Variants in COL4A2 observed in about 807,000 individuals in gnomAD.
The protein encoded by COL4A2 is collagen type IV alpha 2 chain, also known as collagen alpha-2(IV) chain.
In COL4A2, 99 loss-of-function variants were observed where a neutral mutation model predicts 200.2. That is an observed-to-expected ratio of 0.49 (90% CI 0.42 to 0.58). The LOEUF (loss-of-function observed/expected upper bound fraction) is 0.58. Among genes scored for constraint, COL4A2 ranks in the 20% least tolerant of loss-of-function variants. The pLI is 0.00. For synonymous variants in COL4A2, 897 were observed against 900.6 expected, an observed-to-expected ratio of 1.00 and a Z score of 0.07; for missense variants, 1,950 against 2,314.1, an observed-to-expected ratio of 0.84 and a Z score of 3.23.
intron 4 of COL4A2, among the ~76,000 whole-genome samples, chr13:110,367,458 C>T (rs1462464730): frequency 6.6e-6 from 1 of 152,200 alleles, no homozygotes; most frequent in Admixed American, 6.5e-5. Context: ...GTTGGTCTCT[C>T]TCTAATGAAG....
chr13:110,358,611 C>T (rs1877384408), intron 4 of COL4A2, among the ~76,000 whole-genome samples: 2 of 152,202 alleles, frequency 1.3e-5, no homozygotes, highest in East Asian at 1.9e-4. Context: ...ACCAGCACCA[C>T]CACAAACATG....
At chr13:110,404,342 A>G (rs571763358) in intron 4 of COL4A2, among the ~76,000 whole-genome samples, 7 of 152,352 alleles carry the variant, frequency 4.6e-5, no homozygotes, top group African/African-American at 1.7e-4. Context: ...ATAAAAATCA[A>G]TATATTGCAA....
intron 4 of COL4A2, among the ~76,000 whole-genome samples, chr13:110,373,061 C>T (rs1878085110): frequency 6.6e-6 from 1 of 152,194 alleles, no homozygotes; most frequent in South Asian, 2.1e-4. Context: ...GTTGGGATGT[C>T]TGTTACCTGT....
intron 4 of COL4A2, among the ~76,000 whole-genome samples, chr13:110,388,542 G>A (rs1419176500): frequency 2.6e-5 from 4 of 152,202 alleles, no homozygotes; most frequent in Non-Finnish European, 5.9e-5. Context: ...GAAGGAATGT[G>A]TTTATGAGAG....
intron 24 of COL4A2, 146 bp downstream of exon 24, chr13:110,462,530 A>G: frequency 2.9e-6 from 2 of 695,790 alleles, no homozygotes; most frequent in Non-Finnish European, 4.7e-6. Context: ...TTCTATTTCT[A>G]ATGAGCAGAA....
At chr13:110,349,416 G>A (rs1876853793) in intron 3 of COL4A2, among the ~76,000 whole-genome samples, 1 of 152,186 alleles carries the variant, frequency 6.6e-6, no homozygotes, top group African/African-American at 2.4e-5. Flanking sequence ...TCTTCTCACT[G>A]TCATTGGGTC....
rs540988944 is a variant in COL4A2 at position 110,337,899 on chromosome 13, A to T, written c.100-19573A>T. On this transcript the variant is annotated intron_variant, in intron 3 of 47. Transcript: ENST00000360467. ...ACTAAAATATATGCAGTGAGCATAT[A>T]TTCACTAAATGAACATGCATTGAAA... 2.6e-5 allele frequency among the ~76,000 whole-genome samples: 4 copies of T among 152,376 alleles called. No homozygotes were observed. In the South Asian group the frequency reaches 8.3e-4, roughly 32 times the overall value.
intron 7 of COL4A2, chr13:110,428,978 G>T: frequency 6.0e-6 from 1 of 166,548 alleles, no homozygotes; most frequent in East Asian, 1.7e-4. Flanking sequence ...ATACGATGCA[G>T]GAGTTTGTTT....
chr13:110,336,813 C>T (rs1249779062), intron 3 of COL4A2, among the ~76,000 whole-genome samples: 1 of 152,200 alleles, frequency 6.6e-6, no homozygotes, highest in African/African-American at 2.4e-5. Context: ...TGGGAAGCCT[C>T]CAGCAAAGGC....
chr13:110,348,975 C>T (rs926762721), intron 3 of COL4A2, among the ~76,000 whole-genome samples: 2 of 152,118 alleles, frequency 1.3e-5, no homozygotes, highest in African/African-American at 4.8e-5. Flanking sequence ...TCATATAACT[C>T]GATTACTGCT....
chr13:110,401,977 C>T (rs1196751062), intron 4 of COL4A2, among the ~76,000 whole-genome samples: 1 of 152,184 alleles, frequency 6.6e-6, no homozygotes, highest in Admixed American at 6.5e-5. Flanking sequence ...CCCAAAGGCA[C>T]CACCTCTCAA....
intron 34 of COL4A2, among the ~76,000 whole-genome samples, chr13:110,487,459 A>T (rs1276038984): frequency 6.6e-6 from 1 of 152,202 alleles, no homozygotes; most frequent in African/African-American, 2.4e-5. Context: ...TCTCAAAAAA[A>T]AGACAAGAAA....
rs34045120 is a variant in COL4A2 at position 110,497,591 on chromosome 13, A to G, written c.3760+2124A>G. On this transcript the variant is annotated intron_variant, in intron 40 of 47. Transcript: ENST00000360467. The stretch of plus-strand genomic sequence containing the variant: ...CACTCAGGGCTGAGGATTTAGGTCA[A>G]TCCACCAGCACAACCTCCACTCAGG... Among the ~76,000 whole-genome samples, 463 of 93,206 alleles carry G rather than the reference A, an allele frequency of 5.0e-3. 4 individuals are homozygous for G. The highest frequency in any genetic ancestry group is 9.8e-3 in the Middle Eastern group (1 of 102). The allele number at this position is 93,206 out of a possible 152,430, so 61.1% of individuals were successfully genotyped here. A position where few individuals can be genotyped will look rare whatever the true frequency, so the allele number is the denominator to read the frequency against.
At chr13:110,473,962 A>AAC (rs1276036386) in intron 29 of COL4A2, among the ~76,000 whole-genome samples, 2 of 12,736 alleles carry the variant, frequency 1.6e-4, no homozygotes, top group Non-Finnish European at 3.6e-4. Context: ...CCATTTCTAC[A>AAC]AAAAAAAAAT....
At chr13:110,439,371 G>T (rs1382981557) in intron 15 of COL4A2, among the ~76,000 whole-genome samples, 1 of 152,170 alleles carries the variant, frequency 6.6e-6, no homozygotes, top group African/African-American at 2.4e-5. Flanking sequence ...GTTTTTCATT[G>T]TACTATCTTT....
At chr13:110,350,165 A>T (rs1485478477) in intron 3 of COL4A2, among the ~76,000 whole-genome samples, 2 of 152,254 alleles carry the variant, frequency 1.3e-5, no homozygotes, top group Non-Finnish European at 2.9e-5. Flanking sequence ...CCTCACTCAA[A>T]GATTCCCGTT....
chr13:110,385,993 G>A lies in COL4A2; in HGVS notation c.180+28441G>A, dbSNP rs75805673. ...TGGGCCGTGGTCACAGCGTGTGGAT[G>A]GGCCGTGGTCACAGCGTGTGGATGG... On this transcript the variant is annotated intron_variant, in intron 4 of 47. Coordinates refer to ENST00000360467, the MANE Select transcript of COL4A2 (RefSeq NM_001846.4). Among the ~76,000 whole-genome samples the A allele has an allele frequency of 1.2e-3, 67 of 55,006 alleles. 1 individual carries two copies. The highest frequency in any genetic ancestry group is 3.7e-3 in the African/African-American group (40 of 10,794). 36.1% of individuals were successfully genotyped at this position (55,006 alleles called of 152,430 possible). A position where few individuals can be genotyped will look rare whatever the true frequency, so the allele number is the denominator to read the frequency against.
chr13:110,449,692 C>T lies in COL4A2; in HGVS notation c.1092C>T (p.Asp364=), dbSNP rs1382519476. ...HPSLAKGARG[D]PGFPGAQGEP... ...TTTCCCTTCCAGGTGCCAGAGGTGACCCGGGATTCCCAGGGGCCCAAGGGG... is the reference window on the plus strand; with the variant it reads ...TTTCCCTTCCAGGTGCCAGAGGTGATCCGGGATTCCCAGGGGCCCAAGGGG... The change falls in exon 19 of 48, where the codon GAC becomes GAT. Residue 364 remains aspartate, a synonymous_variant. Coordinates refer to ENST00000360467, the MANE Select transcript of COL4A2 (RefSeq NM_001846.4). 1.9e-6 allele frequency: 3 copies of T among 1,548,796 alleles called. No individual in the cohort carries two copies. Among genetic ancestry groups the T allele is most frequent in the Admixed American group, 4.0e-5 (2 of 50,564 alleles).
intron 4 of COL4A2, among the ~76,000 whole-genome samples, chr13:110,413,489 G>T (rs972770861): frequency 5.3e-5 from 8 of 152,222 alleles, no homozygotes; most frequent in African/African-American, 1.9e-4. Flanking sequence ...GCCCATGCTT[G>T]AGTCACATCC....
Sources: allele counts gnomAD v4.1 joint callset (sites outside exome capture counted in the v4.1 genomes callset), GRCh38; gene constraint gnomAD v4.1.1; transcripts MANE v1.5; gene names NCBI Gene and HGNC (gene_info 2026-07-23, HGNC 2026-07-21).